GRIK3: variants seen among roughly 807,000 people sequenced by gnomAD.
The protein encoded by GRIK3 is glutamate receptor ionotropic, kainate 3.
A neutral mutation model predicts 102.5 loss-of-function variants in GRIK3; 29 were observed. The observed-to-expected ratio is 0.28, with a 90% CI of 0.21 to 0.39. The LOEUF is 0.39. Ranked by LOEUF, GRIK3 falls within the 10% of genes least tolerant of loss-of-function variation. The pLI, the probability that GRIK3 is intolerant of heterozygous loss-of-function variation, is 1.00. For synonymous variants in GRIK3, 511 were observed against 504.9 expected (o/e 1.01, Z -0.16); for missense variants, 908 against 1,252.4 (o/e 0.73, Z 4.15).
At chr1:36,860,139 C>A in intron 5 of GRIK3, 122 bp from the exon 6 acceptor site, 3 of 700,430 alleles carry the variant, frequency 4.3e-6, no homozygotes, top group Non-Finnish European at 7.2e-6. Flanking sequence ...CCCTGCAAAG[C>A]CCTGCAGAGG....
At chr1:36,847,153 G>A (rs901286890) in intron 9 of GRIK3, among the ~76,000 whole-genome samples, 2 of 152,252 alleles carry the variant, frequency 1.3e-5, no homozygotes, top group Non-Finnish European at 2.9e-5. Context: ...ATCCATAGGC[G>A]GTGGGATATC....
chr1:36,992,156 C>T (rs978730897), intron 1 of GRIK3, among the ~76,000 whole-genome samples: 5 of 152,202 alleles, frequency 3.3e-5, no homozygotes, highest in African/African-American at 4.8e-5. Flanking sequence ...GAGATGAACA[C>T]GATGCCATCT....
chr1:36,812,991 G>A (rs560961873), intron 13 of GRIK3, among the ~76,000 whole-genome samples: 2 of 152,318 alleles, frequency 1.3e-5, no homozygotes, highest in South Asian at 2.1e-4. Context: ...GAGCAACTAC[G>A]ACGTGCCAGG....
chr1:36,922,949 G>A (rs966013731), intron 1 of GRIK3, among the ~76,000 whole-genome samples: 1 of 152,184 alleles, frequency 6.6e-6, no homozygotes, highest in Non-Finnish European at 1.5e-5. Flanking sequence ...TGTATTGCAG[G>A]GTTGCAGCCT....
intron 1 of GRIK3, among the ~76,000 whole-genome samples, chr1:36,988,626 G>A (rs886128210): frequency 6.6e-6 from 1 of 152,228 alleles, no homozygotes; most frequent in Non-Finnish European, 1.5e-5. Context: ...ACAAAGTGCC[G>A]AGTCACAGAA....
At chr1:37,018,025 A>C (rs1228828136) in intron 1 of GRIK3, among the ~76,000 whole-genome samples, 1 of 152,016 alleles carries the variant, frequency 6.6e-6, no homozygotes, top group East Asian at 1.9e-4. Flanking sequence ...GCAGAAACTG[A>C]TTGCCTCACT....
chr1:36,885,043 T>C (rs904076649), intron 2 of GRIK3, among the ~76,000 whole-genome samples: 7 of 152,244 alleles, frequency 4.6e-5, no homozygotes, highest in Admixed American at 3.9e-4. Flanking sequence ...CAAAGGCAAC[T>C]GAAATCGTTG....
intron 1 of GRIK3, among the ~76,000 whole-genome samples, chr1:36,980,609 C>T (rs968870422): frequency 6.6e-6 from 1 of 151,938 alleles, no homozygotes; most frequent in African/African-American, 2.4e-5. Context: ...CTAACAGGCA[C>T]CTGGGATGCT....
In GRIK3 at chr1:36,853,626, C is replaced by T; in HGVS notation, c.1201G>A (p.Gly401Ser). 1 of 1,610,968 alleles carries T rather than the reference C, an allele frequency of 6.2e-7. No individual in the cohort carries two copies. Among genetic ancestry groups the T allele is most frequent in the Admixed American group, 1.7e-5 (1 of 60,032 alleles). Residue 401 changes from glycine (G) to serine (S), a missense_variant, in exon 8 of 16, where the codon GGC becomes AGC. Physicochemically the swap from Gly to Ser is moderately conservative, Grantham distance 56 (BLOSUM62 0). Around this residue, in one of 3 missense-constraint regions of GRIK3, gnomAD observed 585 missense variants for 824.9 expected, o/e 0.71. Coordinates refer to ENST00000373091, the MANE Select transcript of GRIK3 (RefSeq NM_000831.4). ...DLDIISLKED[G>S]LEKVGVWSPA... ...CTGAGACCACGCACCTTCTCCAGGCCATCCTCTTTCAGGCTGATGATGTCC... is the reference window on the plus strand; with the variant it reads ...CTGAGACCACGCACCTTCTCCAGGCTATCCTCTTTCAGGCTGATGATGTCC...
chr1:37,009,645 C>T (rs530123888), intron 1 of GRIK3, among the ~76,000 whole-genome samples: 5 of 152,240 alleles, frequency 3.3e-5, no homozygotes, highest in African/African-American at 1.2e-4. Flanking sequence ...CCCATGTTAC[C>T]AGAGTTCAGG....
chr1:36,819,141 C>T lies in GRIK3; in HGVS notation c.1873+595G>A, dbSNP rs923339586. Among the ~76,000 whole-genome samples the T allele has an allele frequency of 1.3e-5, 2 of 152,222 alleles. No individual in the cohort carries two copies. The highest frequency in any genetic ancestry group is 4.8e-5 in the African/African-American group (2 of 41,456). Reference sequence around the variant, plus strand: ...GAGAATTGCATCTTTTTGTGTACCTCATCTTTGAAGCACTCGGGCTGAAGT... The same window carrying T: ...GAGAATTGCATCTTTTTGTGTACCTTATCTTTGAAGCACTCGGGCTGAAGT... On this transcript the variant is annotated intron_variant, in intron 12 of 15. Coordinates refer to ENST00000373091, the MANE Select transcript of GRIK3 (RefSeq NM_000831.4). This position sits in a 1 kb window ranked among gnomAD's most constrained non-coding sequence, Gnocchi z 4.1.
chr1:36,975,632 C>T (rs1056380719), intron 1 of GRIK3, among the ~76,000 whole-genome samples: 1 of 152,138 alleles, frequency 6.6e-6, no homozygotes, highest in Non-Finnish European at 1.5e-5. Context: ...AGTAAATGAT[C>T]ATGGAGATCG....
Position 36,814,629 on chromosome 1 carries a change from C to A in GRIK3, c.2091+2431G>T, listed in dbSNP as rs568458093. 2.6e-5 allele frequency among the ~76,000 whole-genome samples: 4 copies of A among 151,302 alleles called. No homozygotes were observed. The South Asian group carries it at 8.4e-4, about 32-fold the overall frequency. On this transcript the variant is annotated intron_variant, in intron 13 of 15. Transcript: ENST00000373091. ...GCACACACAGATACATATGTATGCA[C>A]AGGCCATTATACACACACACACTCA...
intron 1 of GRIK3, among the ~76,000 whole-genome samples, chr1:37,014,347 G>A (rs1642629546): frequency 6.6e-6 from 1 of 152,222 alleles, no homozygotes; most frequent in African/African-American, 2.4e-5. Flanking sequence ...AAAGAAGAGA[G>A]GAGGAAAGAA....
intron 1 of GRIK3, among the ~76,000 whole-genome samples, chr1:36,944,235 C>G (rs1641758158): frequency 6.6e-6 from 1 of 152,162 alleles, no homozygotes; most frequent in Non-Finnish European, 1.5e-5. Flanking sequence ...ACAACTTTCC[C>G]AGGGCTTCCT....
intron 10 of GRIK3, among the ~76,000 whole-genome samples, chr1:36,830,895 G>A (rs1019050637): frequency 2.6e-5 from 4 of 151,536 alleles, no homozygotes; most frequent in Non-Finnish European, 4.4e-5. Context: ...GGCAGAGACC[G>A]GAATAGCAGA....
chr1:36,954,614 T>A, intron 1 of GRIK3, among the ~76,000 whole-genome samples: 1 of 152,162 alleles, frequency 6.6e-6, no homozygotes, highest in East Asian at 1.9e-4. Context: ...CACATGTCTG[T>A]GTTCCAAAGG....
At chr1:36,802,508 C>G (rs939859219) in intron 15 of GRIK3, among the ~76,000 whole-genome samples, 1 of 152,178 alleles carries the variant, frequency 6.6e-6, no homozygotes, top group African/African-American at 2.4e-5. Flanking sequence ...CCTGGAAGGG[C>G]TTCCAACTAA....
chr1:36,879,791 C>A (rs1370414493), intron 3 of GRIK3, among the ~76,000 whole-genome samples: 1 of 152,158 alleles, frequency 6.6e-6, no homozygotes. Flanking sequence ...ATCAGGGAGC[C>A]CAGCTTTGGG....
Sources: gnomAD v4.1 joint callset for allele counts (sites outside exome capture counted in the v4.1 genomes callset) on GRCh38, gnomAD v4.1.1 for gene constraint, gnomAD v4.1.1 regional missense constraint, Gnocchi (gnomAD v3.1) non-coding constraint, MANE v1.5 for transcripts, NCBI Gene and HGNC (gene_info 2026-07-23, HGNC 2026-07-21) for gene names.